PCDHGB5: variants seen among roughly 807,000 people sequenced by gnomAD.
The protein encoded by PCDHGB5 is protocadherin gamma-B5.
In PCDHGB5, 48 loss-of-function variants were observed where a neutral mutation model predicts 62.9. The observed-to-expected ratio is 0.76, with a 90% CI of 0.61 to 0.97. The LOEUF is 0.97. Ranked by LOEUF, PCDHGB5 falls within the 50% of genes least tolerant of loss-of-function variation. PCDHGB5 has a pLI of 0.00. For missense variants in PCDHGB5, 1,118 were observed against 1,198.6 expected (o/e 0.93, Z 0.99); for synonymous variants, 474 against 511.2 (o/e 0.93, Z 0.98).
intron 2 of PCDHGB5, among the ~76,000 whole-genome samples, chr5:141,499,689 C>CTTTTTTT (rs545067566): frequency 3.3e-5 from 4 of 119,856 alleles, no homozygotes; most frequent in Admixed American, 8.7e-5. Context: ...TAACAGATGA[C>CTTTTTTT]TTTTTTTTTT....
rs1375121802 is a variant in PCDHGB5 at position 141,432,471 on chromosome 5, G to A, written c.2397+31947G>A. 2 of 1,614,094 alleles carry A rather than the reference G, an allele frequency of 1.2e-6. No homozygotes were observed. Among genetic ancestry groups the A allele is most frequent in the African/African-American group, 2.7e-5 (2 of 74,946 alleles). ...CTGTACCCCGCCCTCCCCACGGACG[G>A]TTCCACTGGCGTGGAGCTGGCTCCC... is the stretch of plus-strand genomic sequence containing the variant. On this transcript the variant is annotated intron_variant, in intron 1 of 3. Coordinates refer to ENST00000617380, the MANE Select transcript of PCDHGB5 (RefSeq NM_018925.3). The surrounding 1 kb of genome is among the most constrained non-coding windows in gnomAD (Gnocchi z 6.0).
Position 141,476,873 on chromosome 5 carries a change from G to A in PCDHGB5, c.2398-17934G>A. 1.9e-6 allele frequency: 3 copies of A among 1,613,936 alleles called. No homozygotes were observed. Among genetic ancestry groups the A allele is most frequent in the Non-Finnish European group, 2.5e-6 (3 of 1,180,038 alleles). Reference sequence around the variant, plus strand: ...CAACCAGTCCTTGTACCGGGCGCGCGTCCTGGAGGATGCACCCTCCGGCAC... The same window carrying A: ...CAACCAGTCCTTGTACCGGGCGCGCATCCTGGAGGATGCACCCTCCGGCAC... On this transcript the variant is annotated intron_variant, in intron 1 of 3. Transcript: ENST00000617380. The surrounding 1 kb of genome is among the most constrained non-coding windows in gnomAD (Gnocchi z 7.6).
intron 1 of PCDHGB5, chr5:141,418,347 G>C: frequency 6.2e-7 from 1 of 1,614,024 alleles, no homozygotes; most frequent in Non-Finnish European, 8.5e-7. Context: ...CCTGATATTA[G>C]TATGAATTCG....
chr5:141,429,395 A>AAT (rs2097212201), intron 1 of PCDHGB5, among the ~76,000 whole-genome samples: 7 of 152,008 alleles, frequency 4.6e-5, no homozygotes, highest in African/African-American at 1.7e-4. Flanking sequence ...TTTAAAAAAA[A>AAT]TTGAGATTAA....
chr5:141,509,577 C>G (rs569743928), intron 3 of PCDHGB5, among the ~76,000 whole-genome samples: 2 of 152,320 alleles, frequency 1.3e-5, no homozygotes, highest in African/African-American at 2.4e-5. Context: ...ACAGTGCGTA[C>G]AAATCAGCTG....
Position 141,490,348 on chromosome 5 carries a change from G to T in PCDHGB5, c.2398-4459G>T, listed in dbSNP as rs2099698964. On this transcript the variant is annotated intron_variant, in intron 1 of 3. Transcript: ENST00000617380. The surrounding 1 kb of genome is among the most constrained non-coding windows in gnomAD (Gnocchi z 5.4). ...GAGCACACCAGTGGGCACAGTAGTG[G>T]GGTTGTTTAATGTGCGAGACCGGGA... The T allele has an allele frequency of 1.2e-6, 2 of 1,614,080 alleles. No homozygotes were observed. The highest frequency in any genetic ancestry group is 3.3e-5 in the Admixed American group (2 of 60,018).
At position 141,476,573 on chromosome 5, in the gene PCDHGB5, C is replaced by T; in HGVS notation, c.2398-18234C>T. 6.2e-7 allele frequency: 1 copy of T among 1,614,216 alleles called. No homozygotes were observed. Among genetic ancestry groups the T allele is most frequent in the Non-Finnish European group, 8.5e-7 (1 of 1,180,038 alleles). On this transcript the variant is annotated intron_variant, in intron 1 of 3. Coordinates refer to ENST00000617380, the MANE Select transcript of PCDHGB5 (RefSeq NM_018925.3). The surrounding 1 kb of genome is among the most constrained non-coding windows in gnomAD (Gnocchi z 7.6). ...TAGCGAGGCCGTGGCTCCGGGGACG[C>T]GCTTTCCGCTCGAGAGCGCGCACGA... is the stretch of plus-strand genomic sequence containing the variant.
chr5:141,482,859 G>A (rs1371172226), intron 1 of PCDHGB5, among the ~76,000 whole-genome samples: 3 of 148,230 alleles, frequency 2.0e-5, no homozygotes, highest in Admixed American at 6.7e-5. Flanking sequence ...ATCACTTGAG[G>A]TCAGGAGTTT....
intron 1 of PCDHGB5, chr5:141,422,569 G>A (rs1219842498): frequency 6.2e-7 from 1 of 1,613,984 alleles, no homozygotes; most frequent in Admixed American, 1.7e-5. Context: ...AGATGACAAC[G>A]ATAACCCTCC....
At chr5:141,425,248 G>GGCTGGGAAA (rs2096864506) in intron 1 of PCDHGB5, among the ~76,000 whole-genome samples, 1 of 152,178 alleles carries the variant, frequency 6.6e-6, no homozygotes, top group Non-Finnish European at 1.5e-5. Context: ...AAAAGGATAT[G>GGCTGGGAAA]AGGTATTTGG....
chr5:141,415,853 G>A, intron 1 of PCDHGB5: 1 of 1,186,350 alleles, frequency 8.4e-7, no homozygotes, highest in Non-Finnish European at 1.1e-6. Flanking sequence ...GCAGAACCTT[G>A]TAGTTTATAG....
chr5:141,435,745 A>T (rs2097777848), intron 1 of PCDHGB5, among the ~76,000 whole-genome samples: 1 of 152,184 alleles, frequency 6.6e-6, no homozygotes, highest in African/African-American at 2.4e-5. Context: ...TTTGAAAAGC[A>T]TTGCTTGATT....
intron 1 of PCDHGB5, chr5:141,412,149 C>G (rs1369304212): frequency 2.0e-5 from 3 of 152,146 alleles, no homozygotes; most frequent in African/African-American, 7.2e-5. Flanking sequence ...TACAAACTGC[C>G]TAAGAGAAGA....
chr5:141,503,894 T>C (rs898125492), intron 2 of PCDHGB5, among the ~76,000 whole-genome samples: 2 of 152,144 alleles, frequency 1.3e-5, no homozygotes, highest in African/African-American at 4.8e-5. Flanking sequence ...CATGACAAAA[T>C]ATGCACACAC....
chr5:141,433,091 A>G (rs1344906248), intron 1 of PCDHGB5: 2 of 1,614,182 alleles, frequency 1.2e-6, no homozygotes, highest in African/African-American at 1.3e-5. Flanking sequence ...CTATGCAGAC[A>G]TGCTCGTCAG....
chr5:141,467,781 C>G (rs2099151581), intron 1 of PCDHGB5, among the ~76,000 whole-genome samples: 1 of 152,228 alleles, frequency 6.6e-6, no homozygotes, highest in East Asian at 1.9e-4. Context: ...ACCTCAGCCT[C>G]TCAAGTAGCT....
At chr5:141,430,484 C>T (rs894612928) in intron 1 of PCDHGB5, 2 of 256,238 alleles carry the variant, frequency 7.8e-6, no homozygotes, top group African/African-American at 4.4e-5. Context: ...GATATAAAAA[C>T]GAAATATCCT....
At position 141,485,971 on chromosome 5, in the gene PCDHGB5, C is replaced by T; in HGVS notation, c.2398-8836C>T. On this transcript the variant is annotated intron_variant, in intron 1 of 3. Transcript: ENST00000617380. This position sits in a 1 kb window ranked among gnomAD's most constrained non-coding sequence, Gnocchi z 5.7. Reference sequence around the variant, plus strand: ...GCATGGTGCTCATCCAGCTCAATGCCTCAGACCCGGACCTGGGTCCCAGTG... The same window carrying T: ...GCATGGTGCTCATCCAGCTCAATGCTTCAGACCCGGACCTGGGTCCCAGTG... The T allele has an allele frequency of 6.2e-7, 1 of 1,614,196 alleles. No individual in the cohort carries two copies. The highest frequency in any genetic ancestry group is 8.5e-7 in the Non-Finnish European group (1 of 1,180,042).
At position 141,490,356 on chromosome 5, in the gene PCDHGB5, T is replaced by C. The variant is rs771968534; in HGVS notation, c.2398-4451T>C. ...CAGTGGGCACAGTAGTGGGGTTGTT[T>C]AATGTGCGAGACCGGGACTCAGGTA... On this transcript the variant is annotated intron_variant, in intron 1 of 3. Coordinates refer to ENST00000617380, the MANE Select transcript of PCDHGB5 (RefSeq NM_018925.3). The surrounding 1 kb of genome is among the most constrained non-coding windows in gnomAD (Gnocchi z 5.4). 1.4e-5 allele frequency: 23 copies of C among 1,614,084 alleles called. No individual in the cohort carries two copies. Among genetic ancestry groups the C allele is most frequent in the Non-Finnish European group, 1.9e-5 (22 of 1,180,038 alleles).
Sources: allele counts gnomAD v4.1 joint callset (sites outside exome capture counted in the v4.1 genomes callset), GRCh38; gene constraint gnomAD v4.1.1; non-coding constraint Gnocchi (gnomAD v3.1); transcripts MANE v1.5; gene names NCBI Gene and HGNC (gene_info 2026-07-23, HGNC 2026-07-21).